Variants in CEP85L observed in about 807,000 individuals in gnomAD.
The protein encoded by CEP85L is centrosomal protein of 85 kDa-like.
CEP85L carries 60 observed loss-of-function variants against 100.3 expected under a neutral mutation model. The observed-to-expected ratio is 0.60, with a 90% CI of 0.49 to 0.74. The LOEUF is 0.74. Ranked by LOEUF, CEP85L falls within the 30% of genes least tolerant of loss-of-function variation. The pLI, the probability that CEP85L is intolerant of heterozygous loss-of-function variation, is 0.00. For synonymous variants in CEP85L, 319 were observed against 322.7 expected, an observed-to-expected ratio of 0.99 and a Z score of 0.12; for missense variants, 973 against 936.2, an observed-to-expected ratio of 1.04 and a Z score of -0.51.
At chr6:118,537,210 T>C (rs1777646310) in intron 3 of CEP85L, among the ~76,000 whole-genome samples, 1 of 152,114 alleles carries the variant, frequency 6.6e-6, no homozygotes, top group Non-Finnish European at 1.5e-5. Context: ...TTATAACTTA[T>C]TAATGACAAA....
intron 1 of CEP85L, among the ~76,000 whole-genome samples, chr6:118,676,569 A>C (rs1371517643): frequency 3.9e-5 from 6 of 152,064 alleles, no homozygotes; most frequent in Non-Finnish European, 7.4e-5. Context: ...TATATACCAC[A>C]TTTTCATTAT....
Position 118,480,466 on chromosome 6 carries a change from G to C in CEP85L, c.1793C>G (p.Pro598Arg), listed in dbSNP as rs755347400. ...CTGAAGCTGTTTTGCATCTAACATG[G>C]GAAGGCGGATTCCATCTTCAAGGCA... ...ERCLEDGIRL[P>R]MLDAKQLQNE... Residue 598 changes from proline (P) to arginine (R), a missense_variant, in exon 9 of 13, where the codon CCC becomes CGC. Around this residue, in one of 3 missense-constraint regions of CEP85L, gnomAD observed 890 missense variants for 844.5 expected, o/e 1.05. Coordinates refer to ENST00000368491, the MANE Select transcript of CEP85L (RefSeq NM_001042475.3). The C allele has an allele frequency of 1.2e-6, 2 of 1,611,390 alleles. No homozygotes were observed. The highest frequency in any genetic ancestry group is 1.7e-6 in the Non-Finnish European group (2 of 1,178,436).
intron 1 of CEP85L, among the ~76,000 whole-genome samples, chr6:118,642,724 G>A (rs1774957415): frequency 6.6e-6 from 1 of 151,988 alleles, no homozygotes. Flanking sequence ...GACCAGCCTG[G>A]CCAACACGGT....
chr6:118,502,738 T>G, intron 5 of CEP85L: 1 of 528,252 alleles, frequency 1.9e-6, no homozygotes, highest in Admixed American at 2.8e-5. Context: ...AAGAAATGCA[T>G]CTTGCTGAAC....
chr6:118,604,252 A>AT (rs1191937898), intron 2 of CEP85L, among the ~76,000 whole-genome samples: 4 of 152,208 alleles, frequency 2.6e-5, no homozygotes, highest in East Asian at 1.9e-4. Context: ...AACCCTTTAC[A>AT]TTTTTTTGTG....
At chr6:118,467,234 G>C (rs1474959580) in intron 12 of CEP85L, among the ~76,000 whole-genome samples, 2 of 152,106 alleles carry the variant, frequency 1.3e-5, no homozygotes, top group Non-Finnish European at 2.9e-5. Flanking sequence ...CTAGGTGAAA[G>C]GTATGGCAGT....
chr6:118,663,219 T>C (rs1207484462), intron 1 of CEP85L, among the ~76,000 whole-genome samples: 5 of 152,162 alleles, frequency 3.3e-5, no homozygotes, highest in Non-Finnish European at 7.3e-5. Context: ...ATAAAAACAA[T>C]CTGGCTCTTT....
At chr6:118,656,848 C>G (rs937839623), upstream of CEP85L, 23 of 152,196 alleles carry the variant, frequency 1.5e-4, no homozygotes, top group Non-Finnish European at 3.2e-4. Context: ...CCATGCTTTT[C>G]CCAGATATCC....
intron 2 of CEP85L, among the ~76,000 whole-genome samples, chr6:118,613,904 T>G (rs1489571598): frequency 6.6e-6 from 1 of 152,092 alleles, no homozygotes; most frequent in Non-Finnish European, 1.5e-5. Context: ...ATTATAGTAT[T>G]AACCCTGATA....
At chr6:118,533,068 A>T (rs1288826531) in intron 3 of CEP85L, among the ~76,000 whole-genome samples, 1 of 152,120 alleles carries the variant, frequency 6.6e-6, no homozygotes, top group Non-Finnish European at 1.5e-5. Flanking sequence ...CTCTCAACCT[A>T]AGCTTCCATC....
At chr6:118,539,138 C>T (rs1435640095) in intron 3 of CEP85L, among the ~76,000 whole-genome samples, 1 of 152,072 alleles carries the variant, frequency 6.6e-6, no homozygotes, top group Non-Finnish European at 1.5e-5. Context: ...AGACTAACAA[C>T]ATATATTTAA....
chr6:118,594,853 C>CA (rs11332072), intron 2 of CEP85L, among the ~76,000 whole-genome samples: 4,594 of 105,800 alleles, frequency 0.043, 119 homozygotes, highest in African/African-American at 0.08. Context: ...GAGATTGTCT[C>CA]AAAAAAAAAA....
intron 3 of CEP85L, among the ~76,000 whole-genome samples, chr6:118,547,563 T>C (rs1157846158): frequency 6.6e-6 from 1 of 152,134 alleles, no homozygotes; most frequent in Non-Finnish European, 1.5e-5. Flanking sequence ...TTTAATGCAA[T>C]TGTTTTTAAA....
At chr6:118,526,556 C>T (rs531551402) in intron 3 of CEP85L, among the ~76,000 whole-genome samples, 13 of 152,296 alleles carry the variant, frequency 8.5e-5, no homozygotes, top group Non-Finnish European at 1.6e-4. Flanking sequence ...TTAAGGACCA[C>T]ATTATTCCAC....
chr6:118,681,985 C>T (rs1776678161), intron 1 of CEP85L, among the ~76,000 whole-genome samples: 2 of 152,122 alleles, frequency 1.3e-5, no homozygotes, highest in African/African-American at 4.8e-5. Context: ...GGTGATCCAC[C>T]TGCTGTGGCT....
intron 2 of CEP85L, among the ~76,000 whole-genome samples, chr6:118,603,590 GTA>G (rs982960695): frequency 6.6e-6 from 1 of 152,204 alleles, no homozygotes; most frequent in Non-Finnish European, 1.5e-5. Context: ...GTTAAAAGCT[GTA>G]AAAAGCTCAA....
intron 2 of CEP85L, among the ~76,000 whole-genome samples, chr6:118,629,392 T>C (rs553424384): frequency 2.6e-5 from 4 of 152,274 alleles, no homozygotes; most frequent in African/African-American, 9.6e-5. Context: ...AGAGACCTCA[T>C]CAAAGATGAT....
At chr6:118,704,370 C>T (rs543221740) in intron 1 of CEP85L, among the ~76,000 whole-genome samples, 1 of 152,300 alleles carries the variant, frequency 6.6e-6, no homozygotes, top group South Asian at 2.1e-4. Context: ...TCTGAGTGGA[C>T]TCAACAGACT....
At chr6:118,502,310 T>A in intron 5 of CEP85L, 1 of 519,082 alleles carries the variant, frequency 1.9e-6, no homozygotes, top group East Asian at 3.7e-5. Flanking sequence ...GGAAGACTGA[T>A]CTTCCAAGCA....
Sources: allele counts gnomAD v4.1 joint callset (sites outside exome capture counted in the v4.1 genomes callset), GRCh38; gene constraint gnomAD v4.1.1; regional missense constraint gnomAD v4.1.1; transcripts MANE v1.5; gene names NCBI Gene and HGNC (gene_info 2026-07-23, HGNC 2026-07-21).